AGBL1: variants seen among roughly 807,000 people sequenced by gnomAD.
AGBL1 encodes AGBL carboxypeptidase 1, also known as cytosolic carboxypeptidase 4.
AGBL1 carries 130 observed loss-of-function variants against 118.9 expected under a neutral mutation model. The observed-to-expected ratio is 1.09, with a 90% CI of 0.95 to 1.26. The LOEUF is 1.26. Ranked by LOEUF, AGBL1 falls within the 50% of genes most tolerant of loss-of-function variation. The probability of loss-of-function intolerance (pLI) is 0.00; values close to 1 mark genes in which losing one functional copy is unlikely to be tolerated. For missense variants in AGBL1, 1,584 were observed against 1,298.1 expected, an observed-to-expected ratio of 1.22 and a Z score of -3.38; for synonymous variants, 555 against 478.9, an observed-to-expected ratio of 1.16 and a Z score of -2.08.
chr15:86,359,387 CTTTTTTTTTTTT>C lies in AGBL1; in HGVS notation c.2375-37966_2375-37955del, dbSNP rs56189861. ...TATTCTATTTATCAGTATTGGTTTTCTTTTTTTTTTTTTTTTTTTTTTTTGAATTCCACTATC... is the reference window on the plus strand; with the variant it reads ...TATTCTATTTATCAGTATTGGTTTTCTTTTTTTTTTTTGAATTCCACTATC... On this transcript the variant is annotated intron_variant, in intron 17 of 22. Coordinates refer to ENST00000614907, the MANE Select transcript of AGBL1 (RefSeq NM_001386094.1). 5.8e-4 allele frequency among the ~76,000 whole-genome samples: 54 copies of C among 93,792 alleles called. No homozygotes were observed. In the Middle Eastern group the frequency reaches 0.026, roughly 45 times the overall value. The allele number at this position is 93,792 out of a possible 152,430, so 61.5% of individuals were successfully genotyped here. A position where few individuals can be genotyped will look rare whatever the true frequency, so the allele number is the denominator to read the frequency against.
At position 86,295,393 on chromosome 15, in the gene AGBL1, C is replaced by T. The variant is rs752752792; in HGVS notation, c.2359C>T (p.His787Tyr). ...TAMPESNSDE[H>Y]LEQFRHRPYQ... ...CATGCCTGAGTCCAACAGTGATGAG[C>T]ATCTAGAGCAGTTCCGTGAGTAAAA... Residue 787 changes from histidine to tyrosine, a missense_variant, in exon 17 of 23, where the codon CAT (histidine) becomes TAT (tyrosine). Physicochemically the swap from His to Tyr is moderately conservative, Grantham distance 83. Transcript: ENST00000614907. The T allele has an allele frequency of 4.6e-5, 72 of 1,581,492 alleles. No individual in the cohort carries two copies. The highest frequency in any genetic ancestry group is 1.7e-4 in the Middle Eastern group (1 of 5,886).
chr15:86,524,851 A>G (rs1455788289), intron 19 of AGBL1, among the ~76,000 whole-genome samples: 1 of 152,196 alleles, frequency 6.6e-6, no homozygotes, highest in African/African-American at 2.4e-5. Flanking sequence ...CTTAGAGAAC[A>G]AAGTGGATTC....
chr15:86,149,746 G>T (rs1416580137), intron 3 of AGBL1, among the ~76,000 whole-genome samples: 1 of 152,142 alleles, frequency 6.6e-6, no homozygotes, highest in African/African-American at 2.4e-5. Flanking sequence ...AAGATATCCA[G>T]GACTTGAACT....
At chr15:86,925,617 G>C (rs2080527783) in intron 23 of AGBL1, among the ~76,000 whole-genome samples, 1 of 151,854 alleles carries the variant, frequency 6.6e-6, no homozygotes, top group Non-Finnish European at 1.5e-5. Context: ...TGTAAGCAAA[G>C]TAGCTGTCCA....
chr15:86,863,188 C>T (rs2079582405), intron 22 of AGBL1, among the ~76,000 whole-genome samples: 1 of 152,144 alleles, frequency 6.6e-6, no homozygotes. Flanking sequence ...TAGATAAATA[C>T]TGGAGCTGGA....
intron 22 of AGBL1, among the ~76,000 whole-genome samples, chr15:86,690,922 T>C (rs1274457982): frequency 2.0e-5 from 3 of 152,198 alleles, no homozygotes; most frequent in African/African-American, 7.2e-5. Flanking sequence ...TTATGAATTC[T>C]ATTGTTCATA....
chr15:86,995,372 C>T (rs116260590), intron 24 of AGBL1, among the ~76,000 whole-genome samples: 32 of 152,144 alleles, frequency 2.1e-4, no homozygotes, highest in African/African-American at 5.1e-4. Flanking sequence ...AGTGACAGAG[C>T]GAGAACCTGT....
At chr15:86,578,133 A>G (rs908800852) in intron 21 of AGBL1, among the ~76,000 whole-genome samples, 1 of 152,178 alleles carries the variant, frequency 6.6e-6, no homozygotes, top group Non-Finnish European at 1.5e-5. Context: ...AGCAGCCAGA[A>G]GGGAGGCTGT....
downstream of AGBL1, among the ~76,000 whole-genome samples, chr15:86,916,582 T>C (rs1173775981): frequency 6.6e-6 from 1 of 152,218 alleles, no homozygotes. Context: ...GAATAGAACA[T>C]TATAACAGAA....
chr15:86,708,259 AAAT>A (rs1426772913), intron 22 of AGBL1, among the ~76,000 whole-genome samples: 3 of 152,108 alleles, frequency 2.0e-5, no homozygotes, highest in African/African-American at 7.2e-5. Context: ...AACTGAGATT[AAAT>A]GAGATCATAA....
intron 24 of AGBL1, among the ~76,000 whole-genome samples, chr15:87,003,625 T>G (rs1169648582): frequency 1.3e-5 from 2 of 152,194 alleles, no homozygotes; most frequent in Non-Finnish European, 2.9e-5. Context: ...TTTTGGTTGG[T>G]AAGCTATTAA....
chr15:86,587,395 C>A (rs945217360), intron 21 of AGBL1, among the ~76,000 whole-genome samples: 1 of 152,136 alleles, frequency 6.6e-6, no homozygotes, highest in African/African-American at 2.4e-5. Flanking sequence ...CCGAGCTCAC[C>A]TGTGGCAGCA....
chr15:86,247,374 C>T (rs1028752973), intron 6 of AGBL1, among the ~76,000 whole-genome samples: 1 of 152,084 alleles, frequency 6.6e-6, no homozygotes, highest in African/African-American at 2.4e-5. Flanking sequence ...TTCATTTTGG[C>T]TTTGCTGATT....
intron 21 of AGBL1, among the ~76,000 whole-genome samples, chr15:86,583,522 T>C (rs2084203206): frequency 6.6e-6 from 1 of 152,170 alleles, no homozygotes; most frequent in Non-Finnish European, 1.5e-5. Flanking sequence ...TTTCATCTTT[T>C]ATGGCTGTGT....
chr15:86,635,744 T>C (rs1242884463), intron 21 of AGBL1, among the ~76,000 whole-genome samples: 1 of 152,034 alleles, frequency 6.6e-6, no homozygotes, highest in Non-Finnish European at 1.5e-5. Flanking sequence ...ATATTTAGAG[T>C]GACAAAAGAT....
chr15:86,351,634 T>C (rs2080628013), intron 17 of AGBL1, among the ~76,000 whole-genome samples: 1 of 152,216 alleles, frequency 6.6e-6, no homozygotes, highest in South Asian at 2.1e-4. Flanking sequence ...ATGTGGCATC[T>C]GTAAATCTGA....
chr15:86,625,869 C>T (rs1034139628), intron 21 of AGBL1, among the ~76,000 whole-genome samples: 6 of 151,966 alleles, frequency 3.9e-5, no homozygotes, highest in African/African-American at 1.5e-4. Context: ...AAGAAAAAGC[C>T]AGGAAAAAGA....
chr15:86,832,969 A>G (rs2079125980), intron 22 of AGBL1, among the ~76,000 whole-genome samples: 2 of 152,186 alleles, frequency 1.3e-5, no homozygotes, highest in Non-Finnish European at 2.9e-5. Flanking sequence ...AGTCCTTACA[A>G]TCATCATGGA....
rs149524208 is a variant in AGBL1 at position 86,873,508 on chromosome 15, T to C, written c.3159-33579T>C. On this transcript the variant is annotated intron_variant, in intron 22 of 22. Coordinates refer to ENST00000614907, the MANE Select transcript of AGBL1 (RefSeq NM_001386094.1). ...TTGTCCCCATGAAAGACTTACATAT[T>C]GAAATTCCAGGCCCCAAGTTGATGG... Among the ~76,000 whole-genome samples, 1,399 of 152,286 alleles carry C rather than the reference T, an allele frequency of 9.2e-3. 9 individuals carry two copies. Among genetic ancestry groups the C allele is most frequent in the Non-Finnish European group, 0.013 (906 of 68,026 alleles).
Sources: gnomAD v4.1 joint callset for allele counts (sites outside exome capture counted in the v4.1 genomes callset) on GRCh38, gnomAD v4.1.1 for gene constraint, MANE v1.5 for transcripts, NCBI Gene and HGNC (gene_info 2026-07-23, HGNC 2026-07-21) for gene names.